AFF3: variants seen among roughly 807,000 people sequenced by gnomAD.
AFF3 encodes ALF transcription elongation factor 3, also known as AF4/FMR2 family member 3.
Under a neutral mutation model 129.7 loss-of-function variants are expected in AFF3, and 32 were observed. That is an observed-to-expected ratio of 0.25 (90% CI 0.19 to 0.33). AFF3 has a LOEUF of 0.33. AFF3 is among the 10% of genes least tolerant of loss of function. The pLI is 1.00. For missense variants in AFF3, 1,373 were observed against 1,592.0 expected, an observed-to-expected ratio of 0.86 and a Z score of 2.34; for synonymous variants, 644 against 635.4, an observed-to-expected ratio of 1.01 and a Z score of -0.20.
intron 17 of AFF3, 134 bp downstream of exon 17, chr2:99,582,664 C>A: frequency 1.1e-6 from 1 of 923,836 alleles, no homozygotes. Flanking sequence ...TTGGGTCTTC[C>A]TAGAAGCGGG....
intron 8 of AFF3, among the ~76,000 whole-genome samples, chr2:99,756,590 T>G (rs1575883599): frequency 6.6e-6 from 1 of 152,212 alleles, no homozygotes; most frequent in African/African-American, 2.4e-5. Context: ...AGTATCTCAC[T>G]GGTATTGGTT....
chr2:99,762,435 A>G (rs1029889599), intron 8 of AFF3, among the ~76,000 whole-genome samples: 7 of 152,146 alleles, frequency 4.6e-5, no homozygotes, highest in Non-Finnish European at 1.0e-4. Flanking sequence ...AATGCCACTT[A>G]TTTAGCAACT....
intron 7 of AFF3, among the ~76,000 whole-genome samples, chr2:99,994,663 C>T (rs1680669053): frequency 6.6e-6 from 1 of 152,134 alleles, no homozygotes; most frequent in South Asian, 2.1e-4. Flanking sequence ...AAGGATATTA[C>T]TCCAGGCATA....
intron 8 of AFF3, among the ~76,000 whole-genome samples, chr2:99,790,583 C>G (rs536192676): frequency 3.3e-5 from 5 of 152,290 alleles, no homozygotes; most frequent in African/African-American, 1.2e-4. Context: ...AGGTTTCAAA[C>G]AGGGGCAATG....
chr2:100,034,426 C>T (rs930940424), intron 4 of AFF3, among the ~76,000 whole-genome samples: 1 of 152,070 alleles, frequency 6.6e-6, no homozygotes, highest in African/African-American at 2.4e-5. Flanking sequence ...TACTCCAATC[C>T]TCAGTTTTCA....
intron 11 of AFF3, among the ~76,000 whole-genome samples, chr2:99,679,703 T>C (rs1309417314): frequency 2.0e-5 from 3 of 152,214 alleles, no homozygotes. Flanking sequence ...AAATGGCAGC[T>C]TGGAGGCTAG....
intron 8 of AFF3, among the ~76,000 whole-genome samples, chr2:99,809,718 G>C (rs1416726066): frequency 6.6e-6 from 1 of 152,134 alleles, no homozygotes; most frequent in East Asian, 1.9e-4. Flanking sequence ...TAAAAAACAA[G>C]AAACCACTTT....
intron 7 of AFF3, among the ~76,000 whole-genome samples, chr2:99,925,077 T>C (rs1696129032): frequency 6.6e-6 from 1 of 151,910 alleles, no homozygotes; most frequent in African/African-American, 2.4e-5. Flanking sequence ...AGGGTCTTAC[T>C]ATGTTGCCTA....
intron 1 of AFF3, among the ~76,000 whole-genome samples, chr2:100,134,590 T>C (rs1692557362): frequency 6.6e-6 from 1 of 152,214 alleles, no homozygotes; most frequent in Non-Finnish European, 1.5e-5. Flanking sequence ...CATTTAATCT[T>C]TACCTGAATT....
intron 7 of AFF3, among the ~76,000 whole-genome samples, chr2:99,940,912 T>C (rs968507556): frequency 6.6e-6 from 1 of 152,108 alleles, no homozygotes; most frequent in African/African-American, 2.4e-5. Context: ...GCTCGTGATT[T>C]TTTTTCTGTT....
chr2:99,686,587 CA>C (rs1675084597), intron 11 of AFF3, among the ~76,000 whole-genome samples: 2 of 152,306 alleles, frequency 1.3e-5, no homozygotes, highest in South Asian at 2.1e-4. Flanking sequence ...AACAGGTTCC[CA>C]AGCTCTATTG....
rs1229822619 is a variant in AFF3 at position 99,601,602 on chromosome 2, T to C, written c.1204A>G (p.Asn402Asp). The C allele has an allele frequency of 6.3e-7, 1 of 1,596,900 alleles. No individual in the cohort carries two copies. Among genetic ancestry groups the C allele is most frequent in the African/African-American group, 1.3e-5 (1 of 74,940 alleles). ...LSDSAVVQQPNCRTSVPSSKG... is the reference protein window; with the variant it reads ...LSDSAVVQQPDCRTSVPSSKG... The stretch of plus-strand genomic sequence containing the variant: ...CTGGAAGGCACCGAGGTTCTGCAGT[T>C]GGGCTGCTGGACCACGGCGCTGCCA... Residue 402 changes from asparagine to aspartate, a missense_variant, in exon 14 of 25, where the codon AAC (asparagine) becomes GAC (aspartate). By Grantham distance (23) the Asn-to-Asp change is conservative (BLOSUM62 1). Coordinates refer to ENST00000672756, the MANE Select transcript of AFF3 (RefSeq NM_001386135.1).
chr2:99,762,370 C>T (rs1427137790), intron 8 of AFF3, among the ~76,000 whole-genome samples: 1 of 152,160 alleles, frequency 6.6e-6, no homozygotes, highest in Non-Finnish European at 1.5e-5. Context: ...GGCGATCCAC[C>T]TGCCTTGGCC....
At chr2:99,927,589 CAGA>C (rs1195334924) in intron 7 of AFF3, among the ~76,000 whole-genome samples, 1 of 151,908 alleles carries the variant, frequency 6.6e-6, no homozygotes, top group Non-Finnish European at 1.5e-5. Context: ...GGGTAGAGGG[CAGA>C]AGAAGGGAGG....
At position 99,582,889 on chromosome 2, in the gene AFF3, C is replaced by G; in HGVS notation, c.2702G>C (p.Arg901Pro). 6.2e-7 allele frequency: 1 copy of G among 1,614,104 alleles called. No homozygotes were observed. Among genetic ancestry groups the G allele is most frequent in the African/African-American group, 1.3e-5 (1 of 75,004 alleles). The change falls in exon 17 of 25, where the codon CGA becomes CCA. Residue 901 changes from arginine to proline, a missense_variant. By Grantham distance (103) the Arg-to-Pro change is moderately radical. This residue lies in a region of AFF3 where 466 missense variants were observed against 505.0 expected (regional missense o/e 0.92). Transcript: ENST00000672756. Reference protein sequence around the residue: ...YTSEDLTSSSRPNGNSLFTSA... With the variant: ...YTSEDLTSSSPPNGNSLFTSA... The stretch of plus-strand genomic sequence containing the variant: ...AGTAAACAAACTGTTGCCATTAGGT[C>G]GGCTGGAAGAAGTTAAGTCCTCGCT...
chr2:100,055,923 G>C lies in AFF3; in HGVS notation c.54-46991C>G, dbSNP rs185155511. On this transcript the variant is annotated intron_variant, in intron 4 of 24. Transcript: ENST00000672756. ...ACAGTGGCTCACACCTGTAATCCCA[G>C]AGCTTTCAGAGTCGGAGAAGGAAGG... Among the ~76,000 whole-genome samples the C allele has an allele frequency of 3.3e-3, 497 of 152,028 alleles. 4 individuals carry two copies. The highest frequency in any genetic ancestry group is 0.011 in the African/African-American group (472 of 41,460).
intron 4 of AFF3, among the ~76,000 whole-genome samples, chr2:100,072,534 T>C (rs1688273911): frequency 6.6e-6 from 1 of 152,174 alleles, no homozygotes; most frequent in Admixed American, 6.5e-5. Flanking sequence ...TGAGTTGGGC[T>C]GGGGCAGGCT....
intron 7 of AFF3, among the ~76,000 whole-genome samples, chr2:99,952,183 C>T (rs187990336): frequency 1.4e-4 from 22 of 152,242 alleles, no homozygotes; most frequent in Admixed American, 7.2e-4. Flanking sequence ...TTGCCCTTTG[C>T]TGCTGTTCTT....
At chr2:100,081,167 C>T (rs1158304941) in intron 4 of AFF3, among the ~76,000 whole-genome samples, 2 of 152,102 alleles carry the variant, frequency 1.3e-5, no homozygotes, top group Admixed American at 1.3e-4. Context: ...ATGTCTGTCA[C>T]TCAGGTGACG....
Sources: gnomAD v4.1 joint callset for allele counts (sites outside exome capture counted in the v4.1 genomes callset) on GRCh38, gnomAD v4.1.1 for gene constraint, gnomAD v4.1.1 regional missense constraint, MANE v1.5 for transcripts, NCBI Gene and HGNC (gene_info 2026-07-23, HGNC 2026-07-21) for gene names.